The following RYR2 variants were observed in gnomAD, a reference collection of about 807,000 sequenced individuals.
RYR2 encodes cardiac muscle ryanodine receptor-calcium release channel.
A neutral mutation model predicts 601.1 loss-of-function variants in RYR2; 227 were observed. That is an observed-to-expected ratio of 0.38 (90% confidence interval 0.34 to 0.42). The LOEUF is 0.42. RYR2 is among the 10% of genes least tolerant of loss of function. RYR2 has a pLI of 1.00. For synonymous variants in RYR2, 2,223 were observed against 2,175.1 expected, an observed-to-expected ratio of 1.02 and a Z score of -0.61; for missense variants, 4,646 against 6,156.5, an observed-to-expected ratio of 0.75 and a Z score of 8.21.
At chr1:237,364,579 A>G (rs949338186) in intron 5 of RYR2, among the ~76,000 whole-genome samples, 1 of 152,008 alleles carries the variant, frequency 6.6e-6, no homozygotes, top group Non-Finnish European at 1.5e-5. Context: ...AATCCATGTA[A>G]CTTTTCTTCA....
At chr1:237,706,330 G>A (rs965681922) in intron 67 of RYR2, among the ~76,000 whole-genome samples, 10 of 152,078 alleles carry the variant, frequency 6.6e-5, no homozygotes, top group Non-Finnish European at 1.0e-4. Context: ...CAAAAAGGCT[G>A]GGCACATTGA....
intron 80 of RYR2, chr1:237,754,937 C>CTTTTT (rs1302679576): frequency 2.4e-6 from 1 of 416,814 alleles, no homozygotes; most frequent in Non-Finnish European, 4.0e-6. Context: ...AAAGCTGCCT[C>CTTTTT]TTTTTTTTTC....
At chr1:237,400,688 T>G (rs4492606) in intron 10 of RYR2, among the ~76,000 whole-genome samples, 65,360 of 151,866 alleles carry the variant, frequency 0.43, 15,157 homozygotes, top group East Asian at 0.72. Context: ...TGACATTATT[T>G]CACACCAACC....
In RYR2 at chr1:237,801,874, G is replaced by A; in HGVS notation, c.14109G>A (p.Val4703=). The A allele has an allele frequency of 6.3e-7, 1 of 1,595,984 alleles. No homozygotes were observed. Among genetic ancestry groups the A allele is most frequent in the Non-Finnish European group, 8.6e-7 (1 of 1,168,480 alleles). ...ATTGCAGACTGAACTCCATTGATGT[G>A]AAGTATCAGATGTGGAAACTAGGAG... ...SLSAVLNSID[V]KYQMWKLGVV... is the part of the protein sequence containing the mutation. The change falls in exon 98 of 105, where the codon GTG becomes GTA. Residue 4703 remains valine (V), a synonymous_variant. Transcript: ENST00000366574.
chr1:237,400,220 C>T (rs1459824758), intron 10 of RYR2, among the ~76,000 whole-genome samples: 3 of 152,140 alleles, frequency 2.0e-5, no homozygotes, highest in Non-Finnish European at 4.4e-5. Flanking sequence ...CTGCACATGA[C>T]CAGAGTGATC....
At chr1:237,435,551 A>T (rs1707255260) in intron 12 of RYR2, among the ~76,000 whole-genome samples, 2 of 151,406 alleles carry the variant, frequency 1.3e-5, no homozygotes, top group Non-Finnish European at 2.9e-5. Context: ...CACTGATAAA[A>T]TAGTGCCAAT....
intron 2 of RYR2, among the ~76,000 whole-genome samples, chr1:237,292,059 C>T (rs534396732): frequency 6.6e-6 from 1 of 152,232 alleles, no homozygotes; most frequent in African/African-American, 2.4e-5. Flanking sequence ...CCTACTTTTG[C>T]TGTGAACATA....
chr1:237,580,101 A>G (rs2779422), intron 29 of RYR2, among the ~76,000 whole-genome samples: 136,201 of 150,484 alleles, frequency 0.91, 63,173 homozygotes, highest in East Asian at 1. Context: ...AAGACTGCAC[A>G]TCTCACTCTG....
At chr1:237,272,080 A>C (rs1689745172) in intron 2 of RYR2, among the ~76,000 whole-genome samples, 1 of 152,160 alleles carries the variant, frequency 6.6e-6, no homozygotes, top group Admixed American at 6.5e-5. Flanking sequence ...CAGTGAGCCA[A>C]GATCGCACCA....
intron 12 of RYR2, among the ~76,000 whole-genome samples, chr1:237,428,003 C>T (rs892047664): frequency 6.6e-6 from 1 of 152,000 alleles, no homozygotes; most frequent in Non-Finnish European, 1.5e-5. Context: ...TGAAAAAAAG[C>T]TCAACATCAC....
chr1:237,152,920 TA>T (rs60519742), intron 1 of RYR2, among the ~76,000 whole-genome samples: 95,650 of 151,976 alleles, frequency 0.63, 30,195 homozygotes, highest in Non-Finnish European at 0.65. Flanking sequence ...GACAAAGGTG[TA>T]AATATCCAGA....
chr1:237,449,836 T>G (rs1030175487), intron 14 of RYR2, among the ~76,000 whole-genome samples: 4 of 152,152 alleles, frequency 2.6e-5, no homozygotes, highest in Non-Finnish European at 4.4e-5. Context: ...GCCTGGTTAT[T>G]TTTGTTTAGT....
chr1:237,133,194 T>C (rs1165597110), intron 1 of RYR2, among the ~76,000 whole-genome samples: 7 of 151,764 alleles, frequency 4.6e-5, no homozygotes, highest in African/African-American at 1.7e-4. Context: ...TGCTTGGAAT[T>C]GGGGCTGTGG....
At chr1:237,419,684 A>G (rs1705368044) in intron 11 of RYR2, among the ~76,000 whole-genome samples, 1 of 152,160 alleles carries the variant, frequency 6.6e-6, no homozygotes, top group South Asian at 2.1e-4. Flanking sequence ...ACCCTTGATT[A>G]AATTTCACCT....
chr1:237,822,841 C>T (rs1467768823), intron 101 of RYR2, among the ~76,000 whole-genome samples: 1 of 152,126 alleles, frequency 6.6e-6, no homozygotes, highest in East Asian at 1.9e-4. Context: ...GAATATTTAC[C>T]AAGCAAATGG....
At chr1:237,527,943 G>A (rs1451826584) in intron 24 of RYR2, among the ~76,000 whole-genome samples, 4 of 152,160 alleles carry the variant, frequency 2.6e-5, no homozygotes, top group Admixed American at 1.3e-4. Flanking sequence ...CCCAGGATGC[G>A]AATCATCGCT....
intron 1 of RYR2, among the ~76,000 whole-genome samples, chr1:237,130,636 C>T (rs1176759529): frequency 6.6e-6 from 1 of 152,018 alleles, no homozygotes; most frequent in Non-Finnish European, 1.5e-5. Flanking sequence ...TGCTTGAACC[C>T]AGTGAGCTGA....
chr1:237,832,034 A>G (rs750204872), intron 104 of RYR2, among the ~76,000 whole-genome samples: 3 of 152,096 alleles, frequency 2.0e-5, no homozygotes, highest in Non-Finnish European at 4.4e-5. Context: ...GCATAAATGT[A>G]TATATATACA....
In RYR2 at chr1:237,627,992, A is replaced by G; in HGVS notation, c.6352A>G (p.Asn2118Asp). ...TGGTGTGTCCGTGGAGGACACCATC[A>G]ACCTGCTGGCATCCCTTGGTCAGAT... The part of the protein sequence containing the change: ...INGVSVEDTI[N>D]LLASLGQIRS... Residue 2118 changes from asparagine (N) to aspartate (D), a missense_variant, in exon 41 of 105, where the codon AAC becomes GAC. Asn to Asp is a conservative substitution (Grantham distance 23). Coordinates refer to ENST00000366574, the MANE Select transcript of RYR2 (RefSeq NM_001035.3). 2 of 1,613,926 alleles carry G rather than the reference A, an allele frequency of 1.2e-6. No individual in the cohort carries two copies. The highest frequency in any genetic ancestry group is 1.7e-6 in the Non-Finnish European group (2 of 1,179,882).
Sources: gnomAD v4.1 joint callset for allele counts (sites outside exome capture counted in the v4.1 genomes callset) on GRCh38, gnomAD v4.1.1 for gene constraint, MANE v1.5 for transcripts, NCBI Gene and HGNC (gene_info 2026-07-23, HGNC 2026-07-21) for gene names.